The following DOCK7 variants were observed in gnomAD, a reference collection of about 807,000 sequenced individuals.
The protein encoded by DOCK7 is dedicator of cytokinesis protein 7.
In DOCK7, 138 loss-of-function variants were observed where a neutral mutation model predicts 271.0. The observed-to-expected ratio is 0.51, with a 90% CI of 0.44 to 0.59. The LOEUF is 0.59. Ranked by LOEUF, DOCK7 falls within the 20% of genes least tolerant of loss-of-function variation. The pLI is 0.00. For missense variants in DOCK7, 2,066 were observed against 2,592.4 expected (o/e 0.80, Z 4.41); for synonymous variants, 823 against 876.1 (o/e 0.94, Z 1.07).
At chr1:62,626,172 G>GATGTAT (rs1653929214) in intron 11 of DOCK7, among the ~76,000 whole-genome samples, 1 of 151,854 alleles carries the variant, frequency 6.6e-6, no homozygotes, top group East Asian at 1.9e-4. Context: ...ATAGAAATTA[G>GATGTAT]GAAGTATTTA....
At chr1:62,649,475 T>C (rs1224531828) in intron 4 of DOCK7, among the ~76,000 whole-genome samples, 2 of 152,192 alleles carry the variant, frequency 1.3e-5, no homozygotes, top group Non-Finnish European at 1.5e-5. Context: ...ATGAAAGTTA[T>C]TACTTAGAAG....
intron 34 of DOCK7, among the ~76,000 whole-genome samples, chr1:62,508,518 T>A (rs1455821449): frequency 2.6e-5 from 4 of 152,204 alleles, no homozygotes; most frequent in Non-Finnish European, 5.9e-5. Flanking sequence ...CCAATTTTTT[T>A]TATATAAATA....
At chr1:62,518,785 A>G (rs1339906510) in intron 31 of DOCK7, among the ~76,000 whole-genome samples, 3 of 152,062 alleles carry the variant, frequency 2.0e-5, no homozygotes, top group Non-Finnish European at 4.4e-5. Context: ...GAGAAAAAAA[A>G]AACTATAATG....
intron 1 of DOCK7, among the ~76,000 whole-genome samples, chr1:62,669,903 G>A (rs951426237): frequency 1.1e-4 from 16 of 152,198 alleles, no homozygotes; most frequent in Non-Finnish European, 2.2e-4. Flanking sequence ...AGACACGAGC[G>A]GGAACCGGGG....
chr1:62,604,594 G>T, intron 14 of DOCK7: 1 of 1,568,036 alleles, frequency 6.4e-7, no homozygotes, highest in Non-Finnish European at 8.8e-7. Flanking sequence ...AACTACATAC[G>T]AGTCTGTACC....
At chr1:62,593,839 T>G (rs879642217) in intron 14 of DOCK7, among the ~76,000 whole-genome samples, 2 of 152,060 alleles carry the variant, frequency 1.3e-5, no homozygotes, top group Non-Finnish European at 2.9e-5. Flanking sequence ...TATACAACAT[T>G]AATTAAAAAA....
chr1:62,639,601 ATT>A (rs1372683168), intron 7 of DOCK7, among the ~76,000 whole-genome samples: 3 of 151,340 alleles, frequency 2.0e-5, no homozygotes, highest in Non-Finnish European at 4.4e-5. Flanking sequence ...CACCCAGCCA[ATT>A]TTTTGTATTT....
chr1:62,654,248 A>G, intron 2 of DOCK7, 89 bp from the exon 3 acceptor site: 2 of 1,283,248 alleles, frequency 1.6e-6, no homozygotes, highest in Non-Finnish European at 2.1e-6. Flanking sequence ...ATTTTTTTAA[A>G]TAAAAGCTTT....
chr1:62,478,010 A>G (rs997579620), intron 43 of DOCK7, 185 bp from the exon 44 acceptor site: 4 of 651,206 alleles, frequency 6.1e-6, no homozygotes, highest in East Asian at 6.4e-5. Context: ...CATTATTTCT[A>G]ACAAATAAGT....
chr1:62,639,889 TAG>T (rs1655776967), intron 7 of DOCK7, among the ~76,000 whole-genome samples: 1 of 151,676 alleles, frequency 6.6e-6, no homozygotes, highest in African/African-American at 2.4e-5. Context: ...AATGTATATG[TAG>T]AGTTTTTTCT....
At chr1:62,597,800 TG>T (rs1207982736) in intron 14 of DOCK7, 1 of 1,613,374 alleles carries the variant, frequency 6.2e-7, no homozygotes, top group African/African-American at 1.3e-5. Context: ...TCAACATATT[TG>T]ATCAGTCTTT....
intron 1 of DOCK7, among the ~76,000 whole-genome samples, chr1:62,687,897 C>G (rs929741026): frequency 1.3e-5 from 2 of 152,216 alleles, no homozygotes; most frequent in African/African-American, 4.8e-5. Flanking sequence ...ATTTGGGAAG[C>G]GGCCGACCGC....
intron 43 of DOCK7, among the ~76,000 whole-genome samples, chr1:62,481,089 A>G (rs1417186208): frequency 6.6e-6 from 1 of 151,930 alleles, no homozygotes; most frequent in Non-Finnish European, 1.5e-5. Flanking sequence ...GCAAAGACTG[A>G]AGGAGATGGA....
chr1:62,652,054 T>A (rs780419615), intron 4 of DOCK7, among the ~76,000 whole-genome samples: 13 of 152,164 alleles, frequency 8.5e-5, no homozygotes, highest in Non-Finnish European at 1.2e-4. Context: ...TCTATTAGCC[T>A]AAGCCTCCAC....
intron 37 of DOCK7, among the ~76,000 whole-genome samples, chr1:62,497,287 CA>C (rs1332223292): frequency 1.3e-5 from 2 of 152,122 alleles, no homozygotes; most frequent in African/African-American, 4.8e-5. Flanking sequence ...TCTCACTTAA[CA>C]TACTCTAAAG....
rs765813083 is a variant in DOCK7, at chr1:62,658,579, G to A, written c.145-4420C>T. Among the ~76,000 whole-genome samples, 72 of 152,144 alleles carry A rather than the reference G, an allele frequency of 4.7e-4. 1 individual carries two copies. Among genetic ancestry groups the A allele is most frequent in the Non-Finnish European group, 2.5e-4 (17 of 68,018 alleles). The stretch of plus-strand genomic sequence containing the variant: ...AAAAAATCATGGCAGTCAAAAGAAA[G>A]TGGCACAACATTTTTCAAGTGCTGA... On this transcript the variant is annotated intron_variant, in intron 2 of 49. Transcript: ENST00000635253.
chr1:62,478,511 T>C (rs979612578), intron 43 of DOCK7: 1 of 152,312 alleles, frequency 6.6e-6, no homozygotes, highest in Non-Finnish European at 1.5e-5. Context: ...CCTCCCAAGT[T>C]CAAGTGATTC....
At chr1:62,607,384 T>C (rs1159331521) in intron 14 of DOCK7, among the ~76,000 whole-genome samples, 1 of 152,218 alleles carries the variant, frequency 6.6e-6, no homozygotes, top group Non-Finnish European at 1.5e-5. Flanking sequence ...CACTCAACTT[T>C]GTAAACTACC....
intron 48 of DOCK7, among the ~76,000 whole-genome samples, chr1:62,463,433 A>G (rs1053027992): frequency 2.6e-5 from 4 of 152,198 alleles, no homozygotes; most frequent in Non-Finnish European, 5.9e-5. Context: ...GGATGAACCT[A>G]TGAACCAGCA....
Sources: gnomAD v4.1 joint callset for allele counts (sites outside exome capture counted in the v4.1 genomes callset) on GRCh38, gnomAD v4.1.1 for gene constraint, MANE v1.5 for transcripts, NCBI Gene and HGNC (gene_info 2026-07-23, HGNC 2026-07-21) for gene names.